Variants in CDC42BPB observed in about 807,000 individuals in gnomAD.
CDC42BPB encodes the protein serine/threonine-protein kinase MRCK beta.
A neutral mutation model predicts 214.9 loss-of-function variants in CDC42BPB; 37 were observed. The ratio of observed to expected loss-of-function variants is 0.17; its 90% CI spans 0.13 to 0.23. The LOEUF (loss-of-function observed/expected upper bound fraction) is 0.23, where lower values mean the gene tolerates loss of function less well. Among genes scored for constraint, CDC42BPB ranks in the 10% least tolerant of loss-of-function variants. The pLI is 1.00. For synonymous variants in CDC42BPB, 931 were observed against 884.0 expected (o/e 1.05, Z -0.94); for missense variants, 1,694 against 2,227.0 (o/e 0.76, Z 4.82).
intron 30 of CDC42BPB, among the ~76,000 whole-genome samples, chr14:102,942,088 T>C (rs771736416): frequency 6.6e-6 from 1 of 152,220 alleles, no homozygotes; most frequent in Non-Finnish European, 1.5e-5. Context: ...ATGTAAATCC[T>C]GTGTGGTTTT....
In CDC42BPB at chr14:102,938,502, C is replaced by T. The variant is rs897053744; in HGVS notation, c.4828-91G>A. On this transcript the variant is annotated intron_variant, in intron 34 of 36. Transcript: ENST00000361246. ...GTGCAACCTACGGTGGCTGTGGCCT[C>T]GTGACCTTGATGAGCAAAATGGGGG... 31 of 1,470,364 alleles carry T rather than the reference C, an allele frequency of 2.1e-5. No individual in the cohort carries two copies. The African/African-American group carries it at 3.2e-4, about 15-fold the overall frequency. 91.1% of individuals were successfully genotyped at this position (1,470,364 alleles called of 1,614,324 possible).
At chr14:102,973,973 C>T in intron 12 of CDC42BPB, 43 bp downstream of exon 12, 1 of 1,566,482 alleles carries the variant, frequency 6.4e-7, no homozygotes, top group South Asian at 1.2e-5. Context: ...CAGAATTCTG[C>T]AAAGTCCCGT....
chr14:102,934,967 A>G (rs1408571802), intron 36 of CDC42BPB, among the ~76,000 whole-genome samples: 6 of 151,248 alleles, frequency 4.0e-5, no homozygotes, highest in African/African-American at 7.3e-5. Flanking sequence ...CCGAGATCGC[A>G]TCACTGCATT....
chr14:102,966,099 C>T (rs919552847), intron 18 of CDC42BPB, among the ~76,000 whole-genome samples, 183 bp downstream of exon 18: 2 of 152,156 alleles, frequency 1.3e-5, no homozygotes, highest in Non-Finnish European at 2.9e-5. Flanking sequence ...TGAATGCTGT[C>T]GAGAGAAGCC....
In CDC42BPB at chr14:103,001,871, C is replaced by A. The variant is rs1895001355; in HGVS notation, c.447+2057G>T. ...AGAGGAGGAGCTTCCTACAGCAGCA[C>A]TGGGTCTGATCAACGGTCTCCTGGA... is the stretch of plus-strand genomic sequence containing the variant. On this transcript the variant is annotated intron_variant, in intron 4 of 36. Transcript: ENST00000361246. The surrounding 1 kb of genome is among the most constrained non-coding windows in gnomAD (Gnocchi z 5.8). Among the ~76,000 whole-genome samples the A allele has an allele frequency of 6.6e-6, 1 of 152,174 alleles. No individual in the cohort carries two copies. The highest frequency in any genetic ancestry group is 6.5e-5 in the Admixed American group (1 of 15,284).
At chr14:102,979,264 A>C (rs1595488737) in intron 8 of CDC42BPB, among the ~76,000 whole-genome samples, 1 of 148,564 alleles carries the variant, frequency 6.7e-6, no homozygotes, top group African/African-American at 2.5e-5. Flanking sequence ...CCCAGGCCGG[A>C]GTGCAGTGGC....
Position 103,004,306 on chromosome 14 carries a change from T to G in CDC42BPB, c.352-283A>C. ...CTGACACTTAGATTCACCCCACCCT[T>G]ATGTGGATTCCTGACTGGGCTCCTC... On this transcript the variant is annotated intron_variant, in intron 3 of 36. Coordinates refer to ENST00000361246, the MANE Select transcript of CDC42BPB (RefSeq NM_006035.4). This position sits in a 1 kb window ranked among gnomAD's most constrained non-coding sequence, Gnocchi z 5.3. The G allele has an allele frequency of 1.8e-6, 1 of 562,552 alleles. No homozygotes were observed. Among genetic ancestry groups the G allele is most frequent in the South Asian group, 4.2e-5 (1 of 23,896 alleles). 34.8% of individuals were successfully genotyped at this position (562,552 alleles called of 1,614,324 possible).
chr14:102,932,817 G>A lies in CDC42BPB; in HGVS notation c.*895C>T, dbSNP rs184599136. On this transcript the variant is annotated 3_prime_UTR_variant, in exon 37 of 37. Coordinates refer to ENST00000361246, the MANE Select transcript of CDC42BPB (RefSeq NM_006035.4). ...CCAGTGTGCAGGAGTGTGTTGGGTGGGTCTACGTGATCATACGGGCTACTA... is the reference window on the plus strand; with the variant it reads ...CCAGTGTGCAGGAGTGTGTTGGGTGAGTCTACGTGATCATACGGGCTACTA... 3 of 148,586 alleles carry A rather than the reference G, an allele frequency of 2.0e-5. No homozygotes were observed. Among genetic ancestry groups the A allele is most frequent in the Non-Finnish European group, 3.0e-5 (2 of 67,202 alleles). 9.2% of individuals were successfully genotyped at this position (148,586 alleles called of 1,614,324 possible).
intron 1 of CDC42BPB, among the ~76,000 whole-genome samples, chr14:103,027,646 T>C (rs1179627435): frequency 1.3e-5 from 2 of 152,198 alleles, no homozygotes; most frequent in African/African-American, 4.8e-5. Context: ...ATTCCATTTA[T>C]ATAAAATGTC....
Position 102,949,858 on chromosome 14 carries a change from G to C in CDC42BPB, c.3356C>G (p.Ala1119Gly), listed in dbSNP as rs768469311. 6.2e-7 allele frequency: 1 copy of C among 1,613,680 alleles called. No individual in the cohort carries two copies. The highest frequency in any genetic ancestry group is 1.7e-5 in the Admixed American group (1 of 60,020). The part of the protein sequence containing the change: ...GVKKGWQRAY[A>G]VVCDCKLFLY... ...GAAGAGCTTGCAGTCACAGACGACT[G>C]CATATGCGCGCTGCCATCCCTTCTT... Residue 1119 changes from alanine to glycine, a missense_variant, in exon 26 of 37, where the codon GCA (alanine) becomes GGA (glycine). Physicochemically the swap from Ala to Gly is moderately conservative, Grantham distance 60 (BLOSUM62 0). This residue lies in a region of CDC42BPB where 567 missense variants were observed against 790.3 expected (regional missense o/e 0.72). Coordinates refer to ENST00000361246, the MANE Select transcript of CDC42BPB (RefSeq NM_006035.4).
At chr14:103,019,774 G>A (rs35871528) in intron 1 of CDC42BPB, among the ~76,000 whole-genome samples, 4 of 151,984 alleles carry the variant, frequency 2.6e-5, no homozygotes, top group East Asian at 3.9e-4. Context: ...CTCCTACCCC[G>A]AACTGTCCCC....
At chr14:102,977,070 G>C (rs544026125) in intron 9 of CDC42BPB, among the ~76,000 whole-genome samples, 2 of 152,078 alleles carry the variant, frequency 1.3e-5, no homozygotes, top group Non-Finnish European at 2.9e-5. Context: ...AGCCGGGCGC[G>C]GTGGCTCACG....
Position 102,934,232 on chromosome 14 carries a change from C to T in CDC42BPB, c.5005-389G>A, listed in dbSNP as rs34142730. ...TGGCCAATGTGGTAACACCCCATCT[C>T]TACTGAAAACACAAAAATCAGGCCG... On this transcript the variant is annotated intron_variant, in intron 36 of 36. Transcript: ENST00000361246. 1,729 of 173,362 alleles carry T rather than the reference C, an allele frequency of 1.0e-2. 38 individuals are homozygous for T. Among genetic ancestry groups the T allele is most frequent in the African/African-American group, 0.04 (1,663 of 41,804 alleles). The allele number at this position is 173,362 out of a possible 1,614,324, so 10.7% of individuals were successfully genotyped here. A position where few individuals can be genotyped will look rare whatever the true frequency, so the allele number is the denominator to read the frequency against.
chr14:103,057,351 G>C lies in CDC42BPB; in HGVS notation c.-178C>G. The C allele has an allele frequency of 5.9e-6, 6 of 1,018,982 alleles. No homozygotes were observed. Among genetic ancestry groups the C allele is most frequent in the Non-Finnish European group, 7.0e-6 (6 of 853,546 alleles). 63.1% of individuals were successfully genotyped at this position (1,018,982 alleles called of 1,614,324 possible). On this transcript the variant is annotated 5_prime_UTR_variant, in exon 1 of 37. Transcript: ENST00000361246. ...CCGACATCTTGGGCTCCGTCCCGAC[G>C]GCGCAGAGTCTGGGGCGCCGGGCCC...
chr14:103,031,294 G>T (rs1372544124), intron 1 of CDC42BPB, among the ~76,000 whole-genome samples: 1 of 152,056 alleles, frequency 6.6e-6, no homozygotes, highest in Non-Finnish European at 1.5e-5. Context: ...ACTTGAAAAT[G>T]TTCTTCTGAT....
intron 3 of CDC42BPB, among the ~76,000 whole-genome samples, chr14:103,005,270 C>T (rs1895184144): frequency 1.3e-5 from 2 of 152,028 alleles, no homozygotes; most frequent in Non-Finnish European, 2.9e-5. Flanking sequence ...TTGAACTTGT[C>T]AAGCTTAACA....
At chr14:103,033,847 G>A (rs1458886456) in intron 1 of CDC42BPB, among the ~76,000 whole-genome samples, 1 of 152,196 alleles carries the variant, frequency 6.6e-6, no homozygotes, top group Non-Finnish European at 1.5e-5. Flanking sequence ...AAACCACACA[G>A]CAGTTTCCTC....
chr14:103,022,503 C>T (rs552982231), intron 1 of CDC42BPB, among the ~76,000 whole-genome samples: 2 of 152,264 alleles, frequency 1.3e-5, no homozygotes, highest in East Asian at 3.9e-4. Flanking sequence ...ACTACAGGCA[C>T]ATGCCACCAC....
chr14:102,934,893 C>G (rs1891576038), intron 36 of CDC42BPB, among the ~76,000 whole-genome samples: 1 of 151,646 alleles, frequency 6.6e-6, no homozygotes, highest in South Asian at 2.1e-4. Flanking sequence ...ACCTGTAGTC[C>G]CAGCTACTCG....
Sources: allele counts gnomAD v4.1 joint callset (sites outside exome capture counted in the v4.1 genomes callset), GRCh38; gene constraint gnomAD v4.1.1; regional missense constraint gnomAD v4.1.1; non-coding constraint Gnocchi (gnomAD v3.1); transcripts MANE v1.5; gene names NCBI Gene and HGNC (gene_info 2026-07-23, HGNC 2026-07-21).